PAM: variants seen among roughly 807,000 people sequenced by gnomAD.
The protein encoded by PAM is peptidylglycine alpha-amidating monooxygenase.
PAM carries 72 observed loss-of-function variants against 122.1 expected under a neutral mutation model. The ratio of observed to expected loss-of-function variants is 0.59; its 90% CI spans 0.49 to 0.72. The LOEUF is 0.72. Ranked by LOEUF, PAM falls within the 30% of genes least tolerant of loss-of-function variation. PAM has a pLI of 0.00. For synonymous variants in PAM, 389 were observed against 404.4 expected (o/e 0.96, Z 0.46); for missense variants, 1,106 against 1,183.7 (o/e 0.93, Z 0.96).
chr5:102,825,236 CTT>C (rs1773240274), intron 1 of PAM, among the ~76,000 whole-genome samples: 1 of 152,118 alleles, frequency 6.6e-6, no homozygotes, highest in Non-Finnish European at 1.5e-5. Context: ...TCAAAGAAAA[CTT>C]GGATAATGGA....
chr5:102,889,757 C>G (rs902806560), intron 3 of PAM, among the ~76,000 whole-genome samples: 4 of 152,002 alleles, frequency 2.6e-5, no homozygotes, highest in Non-Finnish European at 5.9e-5. Context: ...CCTTAGCCCC[C>G]TTATTGGGCC....
intron 1 of PAM, among the ~76,000 whole-genome samples, chr5:102,758,686 T>G (rs1327190378): frequency 2.0e-5 from 3 of 152,186 alleles, no homozygotes; most frequent in African/African-American, 7.2e-5. Flanking sequence ...AATGTTTACC[T>G]CTCCAAAATG....
intron 15 of PAM, 126 bp from the exon 16 acceptor site, chr5:102,990,146 G>T: frequency 1.6e-6 from 1 of 615,254 alleles, no homozygotes; most frequent in South Asian, 4.7e-5. Context: ...AGCACGGCTT[G>T]ATTGTCTTTT....
Position 102,863,458 on chromosome 5 carries a change from A to C in PAM, c.-373-2365A>C, listed in dbSNP as rs1321314513. Among the ~76,000 whole-genome samples, 3 of 152,122 alleles carry C rather than the reference A, an allele frequency of 2.0e-5. No homozygotes were observed. In the East Asian group the frequency reaches 5.8e-4, roughly 29 times the overall value. ...TTTGAGGATTCTTTCCTTCTTCAAA[A>C]TTCTGAGTCTCTTTTTATAGTACTC... On this transcript the variant is annotated intron_variant, in intron 1 of 25. Coordinates refer to ENST00000438793, the MANE Select transcript of PAM (RefSeq NM_001177306.2).
chr5:102,974,573 G>C, intron 15 of PAM, 137 bp downstream of exon 15: 1 of 592,884 alleles, frequency 1.7e-6, no homozygotes, highest in Non-Finnish European at 2.9e-6. Flanking sequence ...AAATTACTCA[G>C]ATTTGGGCTA....
chr5:102,819,457 G>C (rs958061740), intron 1 of PAM, among the ~76,000 whole-genome samples: 1 of 151,598 alleles, frequency 6.6e-6, no homozygotes, highest in Admixed American at 6.6e-5. Flanking sequence ...TTATAAATTT[G>C]TAAATTTTCT....
At chr5:102,904,608 A>G (rs1358589573) in intron 4 of PAM, among the ~76,000 whole-genome samples, 2 of 151,606 alleles carry the variant, frequency 1.3e-5, no homozygotes, top group Non-Finnish European at 3.0e-5. Flanking sequence ...GTTATTGGGT[A>G]ATAGGGATGT....
In PAM at chr5:102,983,446, C is replaced by CAAAAAAAAAA. The variant is rs70990421; in HGVS notation, c.1484-6819_1484-6810dup. Among the ~76,000 whole-genome samples the CAAAAAAAAAA allele has an allele frequency of 1.7e-3, 177 of 103,546 alleles. 3 individuals are homozygous for CAAAAAAAAAA. Among genetic ancestry groups the CAAAAAAAAAA allele is most frequent in the African/African-American group, 6.2e-3 (171 of 27,504 alleles). The allele number at this position is 103,546 out of a possible 152,430, so 67.9% of individuals were successfully genotyped here. ...TCCTGGATGACAGAGTGAGACTGTC[C>CAAAAAAAAAA]AAAAAAAAAAAAAAAATCCTGAGAT... On this transcript the variant is annotated intron_variant, in intron 15 of 25. Coordinates refer to ENST00000438793, the MANE Select transcript of PAM (RefSeq NM_001177306.2).
intron 7 of PAM, among the ~76,000 whole-genome samples, chr5:102,929,366 AATG>A (rs1363921472): frequency 3.3e-5 from 5 of 152,216 alleles, no homozygotes. Flanking sequence ...AATTATAAAA[AATG>A]CATTAAATAT....
rs934492862 is a variant in PAM, at chr5:102,799,628, C to A, written c.-374+44280C>A. On this transcript the variant is annotated intron_variant, in intron 1 of 25. Coordinates refer to ENST00000438793, the MANE Select transcript of PAM (RefSeq NM_001177306.2). ...GTGCCAAAATGAAACGGGTAATGAA[C>A]AAAAACTGCCAGTTCCAGAGCCTTA... Among the ~76,000 whole-genome samples, 3 of 152,098 alleles carry A rather than the reference C, an allele frequency of 2.0e-5. No homozygotes were observed. The East Asian group carries it at 5.8e-4, about 29-fold the overall frequency.
chr5:102,788,029 A>C (rs989830967), intron 1 of PAM, among the ~76,000 whole-genome samples: 4 of 152,090 alleles, frequency 2.6e-5, no homozygotes, highest in Non-Finnish European at 5.9e-5. Flanking sequence ...TCACCGTAAA[A>C]ATACTTGAGG....
chr5:102,953,673 T>C (rs1003707476), intron 12 of PAM, among the ~76,000 whole-genome samples: 2 of 152,146 alleles, frequency 1.3e-5, no homozygotes, highest in African/African-American at 4.8e-5. Flanking sequence ...TAATGCACTA[T>C]ATATTTCAAA....
intron 4 of PAM, among the ~76,000 whole-genome samples, chr5:102,913,412 T>G (rs1439452936): frequency 6.6e-6 from 1 of 152,002 alleles, no homozygotes; most frequent in Non-Finnish European, 1.5e-5. Context: ...TTTTCCACTT[T>G]TATTTTTCTT....
At chr5:102,932,546 T>C (rs1425443676) in intron 7 of PAM, among the ~76,000 whole-genome samples, 1 of 148,752 alleles carries the variant, frequency 6.7e-6, no homozygotes, top group African/African-American at 2.5e-5. Flanking sequence ...CACATATATG[T>C]ATGTATGTGT....
At chr5:102,921,593 AG>A in intron 5 of PAM, among the ~76,000 whole-genome samples, 1 of 152,278 alleles carries the variant, frequency 6.6e-6, no homozygotes. Flanking sequence ...ATTGTAAAAC[AG>A]GGTTTTAAAA....
intron 14 of PAM, among the ~76,000 whole-genome samples, chr5:102,967,656 A>G (rs1764505345): frequency 1.3e-5 from 2 of 151,894 alleles, no homozygotes; most frequent in Non-Finnish European, 2.9e-5. Context: ...TTTTTAGAAC[A>G]TCTTAAAGAA....
At position 102,766,926 on chromosome 5, in the gene PAM, A is replaced by ATTT; in HGVS notation, c.-374+11607_-374+11609dup. ...ATTTATTTTATTGCTTCAGTTGTGGATTTTTTTTTTTTTTTTTTTTTTTTT... is the reference window on the plus strand; with the variant it reads ...ATTTATTTTATTGCTTCAGTTGTGGATTTTTTTTTTTTTTTTTTTTTTTTTTTT... On this transcript the variant is annotated intron_variant, in intron 1 of 25. Transcript: ENST00000438793. 8.7e-3 allele frequency among the ~76,000 whole-genome samples: 226 copies of ATTT among 25,848 alleles called. 86 individuals carry two copies. The highest frequency in any genetic ancestry group is 0.023 in the African/African-American group (172 of 7,364). 17.0% of individuals were successfully genotyped at this position (25,848 alleles called of 152,430 possible).
At chr5:102,990,436 A>G in intron 16 of PAM, 35 bp downstream of exon 16, 1 of 1,509,030 alleles carries the variant, frequency 6.6e-7, no homozygotes, top group South Asian at 1.2e-5. Context: ...AGCAAATGAA[A>G]ATAAAAATAG....
chr5:102,795,189 C>CAAAAAAAAAAAAAAAAAA (rs33988105), intron 1 of PAM, among the ~76,000 whole-genome samples: 25 of 59,652 alleles, frequency 4.2e-4, no homozygotes, highest in East Asian at 3.9e-3. Context: ...GACAATGTCT[C>CAAAAAAAAAAAAAAAAAA]AAAAAAAAAA....
Sources: allele counts gnomAD v4.1 joint callset (sites outside exome capture counted in the v4.1 genomes callset), GRCh38; gene constraint gnomAD v4.1.1; transcripts MANE v1.5; gene names NCBI Gene and HGNC (gene_info 2026-07-23, HGNC 2026-07-21).